MPP7: variants seen among roughly 807,000 people sequenced by gnomAD.
The protein encoded by MPP7 is MAGUK p55 subfamily member 7.
A neutral mutation model predicts 76.5 loss-of-function variants in MPP7; 60 were observed. The observed-to-expected ratio is 0.78, with a 90% CI of 0.64 to 0.97. MPP7 has a LOEUF of 0.97. MPP7 is among the 50% of genes least tolerant of loss of function. The pLI, the probability that MPP7 is intolerant of heterozygous loss-of-function variation, is 0.00. For synonymous variants in MPP7, 237 were observed against 244.5 expected (o/e 0.97, Z 0.29); for missense variants, 641 against 694.0 (o/e 0.92, Z 0.86).
chr10:28,129,587 C>CAA (rs34101738), intron 6 of MPP7, among the ~76,000 whole-genome samples: 26 of 109,184 alleles, frequency 2.4e-4, no homozygotes, highest in South Asian at 8.7e-4. Flanking sequence ...GACTCCGTCT[C>CAA]AAAAAAAAAA....
At chr10:28,268,077 T>C (rs1188322410) in intron 1 of MPP7, among the ~76,000 whole-genome samples, 1 of 151,980 alleles carries the variant, frequency 6.6e-6, no homozygotes, top group Non-Finnish European at 1.5e-5. Context: ...AAAAATTACA[T>C]TAAAATAAAA....
intron 12 of MPP7, among the ~76,000 whole-genome samples, 178 bp downstream of exon 12, chr10:28,089,493 A>C (rs945225612): frequency 6.6e-6 from 1 of 152,214 alleles, no homozygotes; most frequent in Non-Finnish European, 1.5e-5. Context: ...AATGTCTTAA[A>C]AGTCTCTGCA....
At chr10:28,318,273 T>C (rs1488371739) in intron 2 of MPP7, among the ~76,000 whole-genome samples, 1 of 152,204 alleles carries the variant, frequency 6.6e-6, no homozygotes, top group Non-Finnish European at 1.5e-5. Context: ...GATCATTAAA[T>C]GAGACGACAC....
At chr10:28,183,318 A>AGTAT (rs1228234857) in intron 3 of MPP7, among the ~76,000 whole-genome samples, 2 of 152,224 alleles carry the variant, frequency 1.3e-5, no homozygotes, top group African/African-American at 2.4e-5. Context: ...ATGGATGTTC[A>AGTAT]GTATATTGTT....
intron 1 of MPP7, among the ~76,000 whole-genome samples, chr10:28,258,296 A>G (rs1197073053): frequency 6.6e-6 from 1 of 150,672 alleles, no homozygotes; most frequent in Non-Finnish European, 1.5e-5. Flanking sequence ...TAATACCAAA[A>G]GTCTACAGTT....
chr10:28,180,750 T>G (rs1837032841), intron 3 of MPP7, among the ~76,000 whole-genome samples: 1 of 152,116 alleles, frequency 6.6e-6, no homozygotes, highest in Non-Finnish European at 1.5e-5. Context: ...CAGACCCAGG[T>G]GGGGAGAACT....
intron 2 of MPP7, among the ~76,000 whole-genome samples, chr10:28,211,454 T>C (rs1055690580): frequency 6.6e-6 from 1 of 151,582 alleles, no homozygotes; most frequent in East Asian, 1.9e-4. Flanking sequence ...CATATATATA[T>C]ATATATATAG....
intron 1 of MPP7, among the ~76,000 whole-genome samples, chr10:28,297,141 A>G (rs1217304686): frequency 1.3e-5 from 2 of 152,256 alleles, no homozygotes; most frequent in Non-Finnish European, 2.9e-5. Context: ...CTAACACTGC[A>G]ATAAGGTAAC....
At chr10:28,245,933 T>TA (rs1324639643) in intron 1 of MPP7, among the ~76,000 whole-genome samples, 1 of 151,086 alleles carries the variant, frequency 6.6e-6, no homozygotes, top group Non-Finnish European at 1.5e-5. Context: ...CATATGACAC[T>TA]ATAAAGTCAG....
At chr10:28,241,680 T>G (rs1406766046) in intron 1 of MPP7, among the ~76,000 whole-genome samples, 1 of 152,130 alleles carries the variant, frequency 6.6e-6, no homozygotes. Flanking sequence ...TATTCTTAAA[T>G]TGAAGTTCAA....
At chr10:28,192,394 C>T (rs1043834718) in intron 3 of MPP7, among the ~76,000 whole-genome samples, 2 of 152,058 alleles carry the variant, frequency 1.3e-5, no homozygotes, top group African/African-American at 4.8e-5. Flanking sequence ...AAGACCTTGG[C>T]CACAAGCAAA....
At chr10:28,300,894 G>C (rs1294956942) in intron 1 of MPP7, among the ~76,000 whole-genome samples, 1 of 149,500 alleles carries the variant, frequency 6.7e-6, no homozygotes, top group African/African-American at 2.5e-5. Context: ...GGGAGGCAGA[G>C]ATCACAGTGA....
chr10:28,093,444 T>A (rs577489327), intron 11 of MPP7, among the ~76,000 whole-genome samples: 2,539 of 114,440 alleles, frequency 0.022, 68 homozygotes, highest in African/African-American at 0.072. Flanking sequence ...TTTACTTTCC[T>A]TTTTTTTTTT....
chr10:28,160,100 AC>A (rs1836208221), intron 3 of MPP7, among the ~76,000 whole-genome samples: 1 of 123,702 alleles, frequency 8.1e-6, no homozygotes, highest in Admixed American at 9.5e-5. Context: ...TGACAGGCAA[AC>A]TTTGATCATT....
At chr10:28,219,928 A>G (rs1055309991) in intron 2 of MPP7, among the ~76,000 whole-genome samples, 4 of 152,128 alleles carry the variant, frequency 2.6e-5, no homozygotes, top group African/African-American at 7.2e-5. Flanking sequence ...TATTTCCAAA[A>G]CTACCTATAG....
chr10:28,089,601 T>C (rs1662593687), intron 12 of MPP7, 70 bp downstream of exon 12: 1 of 1,409,722 alleles, frequency 7.1e-7, no homozygotes, highest in Non-Finnish European at 9.7e-7. Context: ...TCAAGTATGA[T>C]TCACTTTGAA....
intron 8 of MPP7, among the ~76,000 whole-genome samples, chr10:28,120,962 C>G (rs1834816586): frequency 6.6e-6 from 1 of 152,100 alleles, no homozygotes. Context: ...AATAGAAACA[C>G]ACAAAATATG....
rs77593096 is a variant in MPP7 at position 28,084,975 on chromosome 10, G to A, written c.1123+4696C>T. On this transcript the variant is annotated intron_variant, in intron 12 of 16. Coordinates refer to ENST00000683449, the MANE Select transcript of MPP7 (RefSeq NM_001318170.2). ...TACATTGGAAACTCAAGTTGTAGAC[G>A]TGGGCAGGATTCAAGTGAACATAAA... Among the ~76,000 whole-genome samples, 301 of 152,288 alleles carry A rather than the reference G, an allele frequency of 2.0e-3. 6 individuals are homozygous for A. In the East Asian group the frequency reaches 0.052, roughly 26 times the overall value.
chr10:28,079,179 G>A (rs1215813406), intron 12 of MPP7, among the ~76,000 whole-genome samples: 1 of 152,072 alleles, frequency 6.6e-6, no homozygotes, highest in Non-Finnish European at 1.5e-5. Flanking sequence ...AGGTGTTTAT[G>A]ATTTGTAACA....
Sources: gnomAD v4.1 joint callset for allele counts (sites outside exome capture counted in the v4.1 genomes callset) on GRCh38, gnomAD v4.1.1 for gene constraint, MANE v1.5 for transcripts, NCBI Gene and HGNC (gene_info 2026-07-23, HGNC 2026-07-21) for gene names.